The following NKAIN2 variants were observed in gnomAD, a reference collection of about 807,000 sequenced individuals.
NKAIN2 encodes the protein sodium/potassium transporting ATPase interacting 2.
NKAIN2 carries 14 observed loss-of-function variants against 32.6 expected under a neutral mutation model. The ratio of observed to expected loss-of-function variants is 0.43; its 90% confidence interval spans 0.28 to 0.67. NKAIN2 has a LOEUF of 0.67. Among genes scored for constraint, NKAIN2 ranks in the 30% least tolerant of loss-of-function variants. NKAIN2 has a pLI of 0.17. For synonymous variants in NKAIN2, 80 were observed against 87.2 expected (o/e 0.92, Z 0.46); for missense variants, 198 against 258.3 (o/e 0.77, Z 1.60).
intron 3 of NKAIN2, among the ~76,000 whole-genome samples, chr6:124,477,831 T>C (rs373789431): frequency 2.0e-3 from 283 of 141,572 alleles, no homozygotes; most frequent in African/African-American, 7.1e-3. Flanking sequence ...CTCTCCTCCT[T>C]CTTCTTCCTC....
chr6:124,614,534 C>A (rs1473341739), intron 3 of NKAIN2, among the ~76,000 whole-genome samples: 1 of 152,196 alleles, frequency 6.6e-6, no homozygotes, highest in Non-Finnish European at 1.5e-5. Context: ...TGTAAACTCA[C>A]AAAATAATTC....
intron 3 of NKAIN2, among the ~76,000 whole-genome samples, chr6:124,516,590 G>T (rs938934959): frequency 6.6e-6 from 1 of 152,096 alleles, no homozygotes; most frequent in Non-Finnish European, 1.5e-5. Context: ...TTATCTCTCT[G>T]CAGACATTTA....
chr6:124,598,600 C>T (rs962751467), intron 3 of NKAIN2, among the ~76,000 whole-genome samples: 1 of 151,346 alleles, frequency 6.6e-6, no homozygotes, highest in African/African-American at 2.4e-5. Flanking sequence ...CTTGGAAGTA[C>T]ACCCCTTTCA....
chr6:124,719,310 CT>C (rs975440323), intron 4 of NKAIN2, among the ~76,000 whole-genome samples: 9 of 151,306 alleles, frequency 5.9e-5, no homozygotes, highest in South Asian at 2.1e-4. Flanking sequence ...TGTTTCTTTT[CT>C]TTTTTTTTCT....
chr6:124,235,631 C>T (rs9491094), intron 1 of NKAIN2, among the ~76,000 whole-genome samples: 1,681 of 150,322 alleles, frequency 0.011, 32 homozygotes, highest in African/African-American at 0.039. Flanking sequence ...CAGAGTCTCA[C>T]TCTGTCACCC....
intron 1 of NKAIN2, among the ~76,000 whole-genome samples, chr6:124,259,344 G>T (rs572040301): frequency 2.0e-5 from 3 of 152,284 alleles, no homozygotes; most frequent in Middle Eastern, 3.4e-3. Context: ...CTCATTGTTT[G>T]GGTGTGGTGG....
Position 124,203,997 on chromosome 6 carries a change from A to G in NKAIN2, c.55-79008A>G, listed in dbSNP as rs188327353. 1.6e-4 allele frequency among the ~76,000 whole-genome samples: 25 copies of G among 151,998 alleles called. No individual in the cohort carries two copies. The East Asian group carries it at 4.8e-3, about 29-fold the overall frequency. ...TAAACAAGCATTCAACAGGAGATCA[A>G]TGCTGTTTTGTAGTGCACACACTAT... is the stretch of plus-strand genomic sequence containing the variant. On this transcript the variant is annotated intron_variant, in intron 1 of 6. Coordinates refer to ENST00000368417, the MANE Select transcript of NKAIN2 (RefSeq NM_001040214.3).
intron 3 of NKAIN2, among the ~76,000 whole-genome samples, chr6:124,548,628 TA>T (rs1394399441): frequency 1.3e-5 from 2 of 152,120 alleles, no homozygotes; most frequent in Non-Finnish European, 2.9e-5. Flanking sequence ...GTACACCTTT[TA>T]AAACAAGAGT....
At chr6:124,288,896 T>C (rs1247467239) in intron 2 of NKAIN2, among the ~76,000 whole-genome samples, 2 of 152,180 alleles carry the variant, frequency 1.3e-5, no homozygotes, top group African/African-American at 4.8e-5. Flanking sequence ...GAAGAATCTT[T>C]CTATGACACC....
chr6:124,267,395 G>A (rs1434053711), intron 1 of NKAIN2, among the ~76,000 whole-genome samples: 2 of 149,932 alleles, frequency 1.3e-5, no homozygotes, highest in African/African-American at 4.9e-5. Context: ...TGTAATCCCA[G>A]CACTTTGGGA....
At chr6:124,684,596 T>A (rs563214441) in intron 4 of NKAIN2, among the ~76,000 whole-genome samples, 4 of 152,250 alleles carry the variant, frequency 2.6e-5, no homozygotes, top group Admixed American at 2.0e-4. Flanking sequence ...TAAAAACCCA[T>A]TAAAATCTGA....
At chr6:124,777,532 A>G (rs1363401562) in intron 4 of NKAIN2, among the ~76,000 whole-genome samples, 1 of 152,246 alleles carries the variant, frequency 6.6e-6, no homozygotes, top group Non-Finnish European at 1.5e-5. Flanking sequence ...TGCTTGGCAC[A>G]GAATGAATAC....
At chr6:124,672,888 T>TA (rs1026521444) in intron 4 of NKAIN2, among the ~76,000 whole-genome samples, 1 of 152,012 alleles carries the variant, frequency 6.6e-6, no homozygotes, top group Non-Finnish European at 1.5e-5. Flanking sequence ...TTAATTGTTG[T>TA]AAAAAACACA....
intron 3 of NKAIN2, among the ~76,000 whole-genome samples, chr6:124,657,128 G>A (rs757672016): frequency 6.6e-6 from 1 of 152,202 alleles, no homozygotes; most frequent in Non-Finnish European, 1.5e-5. Flanking sequence ...TTCAATGTGA[G>A]TGTGTGGCTC....
chr6:124,590,777 A>T lies in NKAIN2; in HGVS notation c.274-67409A>T, dbSNP rs367820025. 5.1e-4 allele frequency among the ~76,000 whole-genome samples: 73 copies of T among 143,878 alleles called. 1 individual carries two copies. The South Asian group carries it at 0.015, about 30-fold the overall frequency. The allele number at this position is 143,878 out of a possible 152,430, so 94.4% of individuals were successfully genotyped here. A position where few individuals can be genotyped will look rare whatever the true frequency, so the allele number is the denominator to read the frequency against. On this transcript the variant is annotated intron_variant, in intron 3 of 6. Coordinates refer to ENST00000368417, the MANE Select transcript of NKAIN2 (RefSeq NM_001040214.3). Reference sequence around the variant, plus strand: ...TTGAAGAAAAACGGGACCTTCTGTAAGCCCAAAGGAAGTATATGGCAACTG... The same window carrying T: ...TTGAAGAAAAACGGGACCTTCTGTATGCCCAAAGGAAGTATATGGCAACTG...
intron 1 of NKAIN2, among the ~76,000 whole-genome samples, chr6:123,884,862 C>T (rs1318798840): frequency 2.6e-5 from 4 of 152,138 alleles, no homozygotes; most frequent in East Asian, 3.9e-4. Flanking sequence ...GATTATACCT[C>T]GATCATTTCA....
intron 4 of NKAIN2, among the ~76,000 whole-genome samples, chr6:124,681,040 G>A (rs1773597445): frequency 6.6e-6 from 1 of 151,662 alleles, no homozygotes; most frequent in Non-Finnish European, 1.5e-5. Flanking sequence ...TGCAAAAACT[G>A]AGAACAGTCC....
At chr6:124,428,032 CT>C (rs1775056722) in intron 3 of NKAIN2, among the ~76,000 whole-genome samples, 1 of 152,040 alleles carries the variant, frequency 6.6e-6, no homozygotes, top group African/African-American at 2.4e-5. Context: ...TGCTCATTTC[CT>C]TTTGGTCTGG....
At chr6:123,848,174 T>A (rs1775170395) in intron 1 of NKAIN2, among the ~76,000 whole-genome samples, 1 of 152,176 alleles carries the variant, frequency 6.6e-6, no homozygotes. Flanking sequence ...AGACAAAAGA[T>A]GCTTTAGAAA....
Sources: allele counts gnomAD v4.1 joint callset (sites outside exome capture counted in the v4.1 genomes callset), GRCh38; gene constraint gnomAD v4.1.1; transcripts MANE v1.5; gene names NCBI Gene and HGNC (gene_info 2026-07-23, HGNC 2026-07-21).